COL19A1: variants seen among roughly 807,000 people sequenced by gnomAD.
COL19A1 encodes collagen alpha-1(XIX) chain.
In COL19A1, 159 loss-of-function variants were observed where a neutral mutation model predicts 190.2. That is an observed-to-expected ratio of 0.84 (90% CI 0.73 to 0.95). The LOEUF is 0.95. COL19A1 is among the 40% of genes least tolerant of loss of function. The pLI is 0.00. For missense variants in COL19A1, 1,418 were observed against 1,431.9 expected (o/e 0.99, Z 0.16); for synonymous variants, 509 against 458.9 (o/e 1.11, Z -1.39).
chr6:70,008,546 A>C (rs1213883239), intron 11 of COL19A1, among the ~76,000 whole-genome samples: 1 of 151,964 alleles, frequency 6.6e-6, no homozygotes, highest in Non-Finnish European at 1.5e-5. Context: ...TAATAGTTAA[A>C]ATCTTGCTAT....
At chr6:70,005,987 A>G (rs1330881589) in intron 11 of COL19A1, among the ~76,000 whole-genome samples, 1 of 152,030 alleles carries the variant, frequency 6.6e-6, no homozygotes, top group Non-Finnish European at 1.5e-5. Context: ...ACCTATTGGG[A>G]CCAAGCCATT....
At chr6:70,089,892 G>A (rs899025488) in intron 15 of COL19A1, among the ~76,000 whole-genome samples, 1 of 151,918 alleles carries the variant, frequency 6.6e-6, no homozygotes, top group African/African-American at 2.4e-5. Flanking sequence ...TTTTTTTCCA[G>A]TCAAAAACAA....
At chr6:70,034,731 A>G (rs1420599482) in intron 13 of COL19A1, among the ~76,000 whole-genome samples, 3 of 152,238 alleles carry the variant, frequency 2.0e-5, no homozygotes, top group Admixed American at 2.0e-4. Context: ...AAGTTATTTC[A>G]TAATGACATG....
intron 27 of COL19A1, among the ~76,000 whole-genome samples, chr6:70,149,148 T>C (rs977546575): frequency 1.3e-5 from 2 of 152,126 alleles, no homozygotes; most frequent in African/African-American, 4.8e-5. Flanking sequence ...ACATTCCTCA[T>C]GCAGAAGTTC....
At chr6:69,953,128 A>AG (rs553240075) in intron 9 of COL19A1, among the ~76,000 whole-genome samples, 35 of 152,130 alleles carry the variant, frequency 2.3e-4, no homozygotes, top group African/African-American at 7.2e-4. Flanking sequence ...TTAAATGAGG[A>AG]GGAAAAAAAA....
chr6:70,039,789 G>T (rs1331668404), intron 14 of COL19A1, among the ~76,000 whole-genome samples: 4 of 150,312 alleles, frequency 2.7e-5, no homozygotes, highest in East Asian at 1.9e-4. Context: ...TTGAGACAGG[G>T]TCTCACTCTG....
intron 34 of COL19A1, among the ~76,000 whole-genome samples, chr6:70,159,333 T>A (rs1488938924): frequency 6.6e-6 from 1 of 151,860 alleles, no homozygotes; most frequent in Admixed American, 6.6e-5. Flanking sequence ...TGCATACAAG[T>A]TAATGTTAGG....
intron 16 of COL19A1, 35 bp from the exon 17 acceptor site, chr6:70,121,845 T>G: frequency 7.8e-7 from 1 of 1,276,246 alleles, no homozygotes; most frequent in Non-Finnish European, 1.1e-6. Flanking sequence ...TTGGTAAATG[T>G]GTATATATTT....
intron 11 of COL19A1, among the ~76,000 whole-genome samples, chr6:69,966,298 A>G (rs1231951912): frequency 2.6e-5 from 4 of 152,184 alleles, no homozygotes; most frequent in Admixed American, 6.5e-5. Flanking sequence ...AGAACGGGCC[A>G]TGATGACGAT....
chr6:69,926,393 G>A (rs1772399392), intron 4 of COL19A1, among the ~76,000 whole-genome samples: 1 of 151,832 alleles, frequency 6.6e-6, no homozygotes, highest in Admixed American at 6.6e-5. Flanking sequence ...AAACTGTAAT[G>A]AACTAAAGAA....
At chr6:70,065,589 A>G (rs1781132969) in intron 14 of COL19A1, among the ~76,000 whole-genome samples, 2 of 152,200 alleles carry the variant, frequency 1.3e-5, no homozygotes, top group African/African-American at 4.8e-5. Context: ...AATGGCAACA[A>G]AAGCCAAAAT....
At chr6:70,076,408 A>G (rs1023759310) in intron 15 of COL19A1, among the ~76,000 whole-genome samples, 2 of 152,218 alleles carry the variant, frequency 1.3e-5, no homozygotes, top group African/African-American at 4.8e-5. Flanking sequence ...CTTAAAAATC[A>G]CTAACTTAAT....
intron 11 of COL19A1, among the ~76,000 whole-genome samples, chr6:69,978,638 A>T (rs2150062861): frequency 6.6e-6 from 1 of 151,814 alleles, no homozygotes; most frequent in African/African-American, 2.4e-5. Flanking sequence ...TATAAAGAAG[A>T]AAATATAAAA....
intron 36 of COL19A1, 109 bp downstream of exon 36, chr6:70,163,505 A>G: frequency 1.0e-6 from 1 of 993,808 alleles, no homozygotes; most frequent in Middle Eastern, 2.1e-4. Flanking sequence ...AAAAGTAGAA[A>G]TGATGGTAGA....
chr6:70,181,935 A>T (rs749559757), intron 44 of COL19A1, among the ~76,000 whole-genome samples: 12 of 152,218 alleles, frequency 7.9e-5, no homozygotes, highest in Non-Finnish European at 1.6e-4. Context: ...TTGGAAAGAT[A>T]CGGAGGGAGA....
chr6:70,007,314 A>G (rs1777694444), intron 11 of COL19A1, among the ~76,000 whole-genome samples: 1 of 152,090 alleles, frequency 6.6e-6, no homozygotes, highest in Non-Finnish European at 1.5e-5. Flanking sequence ...GCAATATCCA[A>G]CTATATACTA....
At chr6:70,197,883 A>G (rs1243672944) in intron 48 of COL19A1, among the ~76,000 whole-genome samples, 1 of 152,236 alleles carries the variant, frequency 6.6e-6, no homozygotes, top group Non-Finnish European at 1.5e-5. Context: ...GGATAATGTC[A>G]GCTAATGCTC....
chr6:70,057,113 GA>G (rs1329428007), intron 14 of COL19A1, among the ~76,000 whole-genome samples: 2 of 152,136 alleles, frequency 1.3e-5, no homozygotes, highest in African/African-American at 4.8e-5. Context: ...CATATGTATA[GA>G]TTGTTCCTTC....
chr6:70,091,090 A>G (rs1366406915), intron 15 of COL19A1, among the ~76,000 whole-genome samples: 1 of 151,962 alleles, frequency 6.6e-6, no homozygotes, highest in Admixed American at 6.6e-5. Flanking sequence ...ATTTTTCTGT[A>G]TTTCCTATCA....
Sources: allele counts gnomAD v4.1 joint callset (sites outside exome capture counted in the v4.1 genomes callset), GRCh38; gene constraint gnomAD v4.1.1; transcripts MANE v1.5; gene names NCBI Gene and HGNC (gene_info 2026-07-23, HGNC 2026-07-21).